SNTG1: variants seen among roughly 807,000 people sequenced by gnomAD.
SNTG1 encodes the protein syntrophin gamma 1, also known as gamma-1-syntrophin.
A neutral mutation model predicts 74.7 loss-of-function variants in SNTG1; 39 were observed. That is an observed-to-expected ratio of 0.52 (90% CI 0.40 to 0.68). The LOEUF is 0.68. Ranked by LOEUF, SNTG1 falls within the 30% of genes least tolerant of loss-of-function variation. The pLI, the probability that SNTG1 is intolerant of heterozygous loss-of-function variation, is 0.00. For synonymous variants in SNTG1, 254 were observed against 217.1 expected (o/e 1.17, Z -1.49); for missense variants, 685 against 609.5 (o/e 1.12, Z -1.30).
chr8:50,698,030 G>T (rs2095411050), intron 15 of SNTG1, among the ~76,000 whole-genome samples: 1 of 152,110 alleles, frequency 6.6e-6, no homozygotes, highest in Non-Finnish European at 1.5e-5. Flanking sequence ...TTGTACATTT[G>T]CTAGAATTTG....
intron 2 of SNTG1, among the ~76,000 whole-genome samples, chr8:50,308,920 A>AGGTTTTTGAG (rs2090001477): frequency 6.6e-6 from 1 of 151,836 alleles, no homozygotes; most frequent in African/African-American, 2.4e-5. Flanking sequence ...AAATGTTTCT[A>AGGTTTTTGAG]TTCATAAACT....
At position 50,571,047 on chromosome 8, in the gene SNTG1, T is replaced by C. The variant is rs184033438; in HGVS notation, c.810+17868T>C. Among the ~76,000 whole-genome samples, 4 of 152,270 alleles carry C rather than the reference T, an allele frequency of 2.6e-5. No individual in the cohort carries two copies. The East Asian group carries it at 5.8e-4, about 22-fold the overall frequency. ...TCATAATAAAATGGAGCAGTTTTCC[T>C]GAACATAGTTTCCTTCCCTCTGCCT... On this transcript the variant is annotated intron_variant, in intron 12 of 18. Transcript: ENST00000642720.
chr8:50,137,429 T>C (rs1395429409), intron 1 of SNTG1, among the ~76,000 whole-genome samples: 1 of 152,256 alleles, frequency 6.6e-6, no homozygotes, highest in Non-Finnish European at 1.5e-5. Context: ...GTTTATATGG[T>C]GCTTGCTGTG....
intron 2 of SNTG1, among the ~76,000 whole-genome samples, chr8:50,257,994 C>G (rs1456486828): frequency 6.6e-6 from 1 of 152,186 alleles, no homozygotes; most frequent in Non-Finnish European, 1.5e-5. Context: ...TCTGGAAAAG[C>G]CACATCCATT....
At chr8:50,442,467 C>T (rs1463349593) in intron 5 of SNTG1, among the ~76,000 whole-genome samples, 3 of 152,022 alleles carry the variant, frequency 2.0e-5, no homozygotes, top group East Asian at 3.9e-4. Flanking sequence ...CACTCCTGCT[C>T]CCAGCCCTCC....
At chr8:50,710,820 A>G (rs2095459506) in intron 17 of SNTG1, among the ~76,000 whole-genome samples, 1 of 152,210 alleles carries the variant, frequency 6.6e-6, no homozygotes, top group East Asian at 1.9e-4. Flanking sequence ...ACAGTTTAGT[A>G]GGAAATGAGA....
chr8:50,526,698 C>A (rs577171340), intron 9 of SNTG1, among the ~76,000 whole-genome samples: 31 of 151,962 alleles, frequency 2.0e-4, no homozygotes, highest in African/African-American at 6.8e-4. Flanking sequence ...TTGCCAGGCT[C>A]ATTGCAACCT....
At position 50,334,186 on chromosome 8, in the gene SNTG1, C is replaced by T. The variant is rs189610677; in HGVS notation, c.-27-60026C>T. 7.4e-4 allele frequency among the ~76,000 whole-genome samples: 112 copies of T among 152,246 alleles called. 1 individual carries two copies. The highest frequency in any genetic ancestry group is 1.9e-3 in the South Asian group (9 of 4,826). On this transcript the variant is annotated intron_variant, in intron 2 of 18. Transcript: ENST00000642720. ...TGCCGGGATTACAGGCCTGAGCCACCGCGCCTGGCCAGGAGCACATTTTTC... is the reference window on the plus strand; with the variant it reads ...TGCCGGGATTACAGGCCTGAGCCACTGCGCCTGGCCAGGAGCACATTTTTC...
At chr8:50,138,742 G>T (rs1006726730) in intron 1 of SNTG1, among the ~76,000 whole-genome samples, 4 of 151,456 alleles carry the variant, frequency 2.6e-5, no homozygotes, top group Non-Finnish European at 5.9e-5. Context: ...AGTGCCATTT[G>T]CAGGCAGTTG....
chr8:50,647,830 T>G (rs960946266), intron 13 of SNTG1, among the ~76,000 whole-genome samples: 2 of 152,160 alleles, frequency 1.3e-5, no homozygotes, highest in African/African-American at 4.8e-5. Context: ...GAAATTCTCC[T>G]TTTAATTCTA....
chr8:50,219,881 C>T (rs1401391520), intron 2 of SNTG1, among the ~76,000 whole-genome samples: 1 of 152,088 alleles, frequency 6.6e-6, no homozygotes, highest in Non-Finnish European at 1.5e-5. Flanking sequence ...AAGTAGTGAA[C>T]TTTTATTAGT....
intron 1 of SNTG1, among the ~76,000 whole-genome samples, chr8:50,167,341 A>G (rs909337717): frequency 7.3e-5 from 11 of 150,482 alleles, no homozygotes; most frequent in African/African-American, 2.7e-4. Flanking sequence ...AATAAAAAAA[A>G]AAATCTTTGA....
At chr8:50,438,204 A>G (rs964357081) in intron 4 of SNTG1, among the ~76,000 whole-genome samples, 2 of 152,138 alleles carry the variant, frequency 1.3e-5, no homozygotes, top group East Asian at 1.9e-4. Flanking sequence ...AAAACTTATC[A>G]TTTCTTAGAA....
intron 15 of SNTG1, among the ~76,000 whole-genome samples, chr8:50,689,137 A>C (rs12544279): frequency 0.23 from 33,645 of 148,500 alleles, 4,012 homozygotes; most frequent in Middle Eastern, 0.31. Flanking sequence ...TTATCAGCTT[A>C]AGGAGATTTT....
intron 2 of SNTG1, among the ~76,000 whole-genome samples, chr8:50,254,563 C>T (rs1169514359): frequency 1.3e-5 from 2 of 151,996 alleles, no homozygotes; most frequent in Admixed American, 6.6e-5. Context: ...TAGAAACAAA[C>T]AGGGCCAGGT....
At chr8:50,255,122 T>A (rs1037003254) in intron 2 of SNTG1, among the ~76,000 whole-genome samples, 2 of 152,040 alleles carry the variant, frequency 1.3e-5, no homozygotes, top group African/African-American at 2.4e-5. Flanking sequence ...CCTTTTTAAA[T>A]ATGAGCTCAT....
intron 1 of SNTG1, among the ~76,000 whole-genome samples, chr8:50,082,577 G>A (rs537042476): frequency 9.7e-4 from 147 of 152,138 alleles, no homozygotes; most frequent in African/African-American, 3.4e-3. Context: ...TCTTAAGAGC[G>A]GTAAAAGAAT....
chr8:50,278,160 AG>A (rs1478064258), intron 2 of SNTG1, among the ~76,000 whole-genome samples: 10 of 152,292 alleles, frequency 6.6e-5, no homozygotes, highest in African/African-American at 2.2e-4. Flanking sequence ...CCACAGAGTG[AG>A]ACTCCATCTC....
intron 1 of SNTG1, among the ~76,000 whole-genome samples, chr8:50,124,211 T>C (rs1054845153): frequency 7.1e-6 from 1 of 141,554 alleles, no homozygotes; most frequent in African/African-American, 2.6e-5. Context: ...GAAGACCATG[T>C]GAAGACACAG....
Sources: gnomAD v4.1 joint callset for allele counts (sites outside exome capture counted in the v4.1 genomes callset) on GRCh38, gnomAD v4.1.1 for gene constraint, MANE v1.5 for transcripts, NCBI Gene and HGNC (gene_info 2026-07-23, HGNC 2026-07-21) for gene names.